ZNF423: variants seen among roughly 807,000 people sequenced by gnomAD.
The protein encoded by ZNF423 is zinc finger protein 423, also known as Ebf-associated zinc finger protein.
In ZNF423, 12 loss-of-function variants were observed where a neutral mutation model predicts 95.8. The ratio of observed to expected loss-of-function variants is 0.13; its 90% CI spans 0.08 to 0.20. ZNF423 has a LOEUF of 0.20. Among genes scored for constraint, ZNF423 ranks in the 10% least tolerant of loss-of-function variants. The pLI, the probability that ZNF423 is intolerant of heterozygous loss-of-function variation, is 1.00. For missense variants in ZNF423, 1,316 were observed against 1,737.1 expected (o/e 0.76, Z 4.31); for synonymous variants, 749 against 711.9 (o/e 1.05, Z -0.83).
chr16:49,492,539 G>T lies in ZNF423; in HGVS notation c.3850-1235C>A, dbSNP rs1242711493. ...CCTGCTCCCTGGAGCAGGGCCCCGC[G>T]CAGTCCCTTCCCGTGACGGGCACTG... On this transcript the variant is annotated intron_variant, in intron 7 of 7. Transcript: ENST00000563137. The surrounding 1 kb of genome is among the most constrained non-coding windows in gnomAD (Gnocchi z 4.2). 1.3e-5 allele frequency among the ~76,000 whole-genome samples: 2 copies of T among 152,138 alleles called. No homozygotes were observed. Among genetic ancestry groups the T allele is most frequent in the African/African-American group, 4.8e-5 (2 of 41,444 alleles).
intron 2 of ZNF423, among the ~76,000 whole-genome samples, chr16:49,783,068 CCCA>C (rs1654554932): frequency 6.6e-6 from 1 of 152,050 alleles, no homozygotes; most frequent in South Asian, 2.1e-4. Context: ...TCCCTGAAAC[CCCA>C]CATCATAGAC....
chr16:49,781,678 G>C (rs1055692383), intron 2 of ZNF423, among the ~76,000 whole-genome samples: 1 of 152,164 alleles, frequency 6.6e-6, no homozygotes, highest in South Asian at 2.1e-4. Context: ...TGAAAGGCCC[G>C]GGCTTCTGGA....
chr16:49,530,473 A>G (rs1968799072), intron 5 of ZNF423, among the ~76,000 whole-genome samples: 1 of 152,176 alleles, frequency 6.6e-6, no homozygotes, highest in Non-Finnish European at 1.5e-5. Context: ...ACACAGACAG[A>G]GTAACATAAA....
intron 7 of ZNF423, among the ~76,000 whole-genome samples, chr16:49,520,681 C>T (rs1334350976): frequency 6.6e-6 from 1 of 152,194 alleles, no homozygotes; most frequent in Non-Finnish European, 1.5e-5. Flanking sequence ...GGCCTTGCCT[C>T]CCACTGCCCC....
intron 5 of ZNF423, among the ~76,000 whole-genome samples, chr16:49,561,133 G>A (rs1361069817): frequency 6.6e-6 from 1 of 152,130 alleles, no homozygotes; most frequent in Admixed American, 6.5e-5. Flanking sequence ...ACAGGGCTGT[G>A]CTAGAGCCAG....
intron 5 of ZNF423, among the ~76,000 whole-genome samples, chr16:49,582,469 A>G (rs1318409948): frequency 6.6e-6 from 1 of 152,258 alleles, no homozygotes; most frequent in Non-Finnish European, 1.5e-5. Flanking sequence ...ATAAAACACT[A>G]TGCATACTCT....
intron 5 of ZNF423, among the ~76,000 whole-genome samples, chr16:49,554,906 T>C (rs1567464116): frequency 6.6e-6 from 1 of 152,090 alleles, no homozygotes; most frequent in Non-Finnish European, 1.5e-5. Context: ...GCTCGACACA[T>C]GTAGCTTGAA....
chr16:49,574,690 G>A (rs543109289), intron 5 of ZNF423, among the ~76,000 whole-genome samples: 1 of 151,382 alleles, frequency 6.6e-6, no homozygotes, highest in African/African-American at 2.4e-5. Flanking sequence ...GGCACTCTCC[G>A]CCTACAGCCA....
chr16:49,601,736 GT>G (rs796655316), intron 5 of ZNF423, among the ~76,000 whole-genome samples: 6 of 152,358 alleles, frequency 3.9e-5, no homozygotes, highest in African/African-American at 1.4e-4. Context: ...CAGTCAGCCT[GT>G]GGTCCCCCCT....
At chr16:49,845,035 C>CAAAAAAAAAAAAAA (rs71138011) in intron 1 of ZNF423, among the ~76,000 whole-genome samples, 2 of 63,510 alleles carry the variant, frequency 3.1e-5, no homozygotes, top group South Asian at 5.9e-4. Context: ...AACTCCATCT[C>CAAAAAAAAAAAAAA]AAAAAAAAAA....
intron 1 of ZNF423, among the ~76,000 whole-genome samples, chr16:49,793,348 A>C (rs1337757724): frequency 1.3e-5 from 2 of 152,186 alleles, no homozygotes. Flanking sequence ...CCTAAGAGGG[A>C]GTTCTGCTGC....
chr16:49,562,791 T>C (rs897355396), intron 5 of ZNF423, among the ~76,000 whole-genome samples: 1 of 152,204 alleles, frequency 6.6e-6, no homozygotes. Context: ...TAAGCATTTT[T>C]TTTTTTGAGA....
intron 1 of ZNF423, among the ~76,000 whole-genome samples, chr16:49,821,941 C>T (rs2034947683): frequency 6.6e-6 from 1 of 152,174 alleles, no homozygotes; most frequent in Non-Finnish European, 1.5e-5. Flanking sequence ...GCATTCAATG[C>T]CTCCAGTTGG....
intron 7 of ZNF423, among the ~76,000 whole-genome samples, chr16:49,500,634 G>A (rs948676407): frequency 3.3e-5 from 5 of 152,126 alleles, no homozygotes; most frequent in African/African-American, 1.2e-4. Flanking sequence ...AATGGCACTG[G>A]AGCTGGGTGA....
In ZNF423 at chr16:49,626,171, A is replaced by C. The variant is rs1264821781; in HGVS notation, c.3600T>G (p.Ile1200Met). The change falls in exon 5 of 8, where the codon ATT (isoleucine) becomes ATG (methionine). Residue 1200 changes from isoleucine (I) to methionine (M), a missense_variant and splice_region_variant. Ile to Met is a conservative substitution (Grantham distance 10). This residue lies in a region of ZNF423 where 75 missense variants were observed against 163.5 expected (regional missense o/e 0.46). Coordinates refer to ENST00000563137, the MANE Select transcript of ZNF423 (RefSeq NM_001379286.1). The stretch of plus-strand genomic sequence containing the variant: ...GGCTGGGAGGAAATGCTCTCTTACC[A>C]ATCATGTGGTTGGCAACGTGGATTT... ...EIQIHVANHM[I>M]EEGINHECKL... The C allele has an allele frequency of 6.2e-7, 1 of 1,613,936 alleles. No homozygotes were observed. The highest frequency in any genetic ancestry group is 1.1e-5 in the South Asian group (1 of 91,072).
At chr16:49,555,032 A>T (rs1969774530) in intron 5 of ZNF423, among the ~76,000 whole-genome samples, 1 of 152,186 alleles carries the variant, frequency 6.6e-6, no homozygotes. Context: ...CAACTCACCA[A>T]GGAGTATCAT....
intron 2 of ZNF423, among the ~76,000 whole-genome samples, chr16:49,734,435 C>T (rs1188003451): frequency 2.0e-5 from 3 of 152,260 alleles, no homozygotes; most frequent in African/African-American, 7.2e-5. Context: ...ACTGGTTCCT[C>T]CAATCACCCC....
At chr16:49,809,227 A>G (rs1374225829) in intron 1 of ZNF423, among the ~76,000 whole-genome samples, 1 of 152,256 alleles carries the variant, frequency 6.6e-6, no homozygotes, top group Non-Finnish European at 1.5e-5. Context: ...ATAGCGGCCC[A>G]CACATAATGC....
At chr16:49,828,174 A>G (rs1297693138) in intron 1 of ZNF423, among the ~76,000 whole-genome samples, 1 of 152,134 alleles carries the variant, frequency 6.6e-6, no homozygotes, top group Non-Finnish European at 1.5e-5. Context: ...TTATCACTCA[A>G]TCAAGCCACC....
Sources: gnomAD v4.1 joint callset for allele counts (sites outside exome capture counted in the v4.1 genomes callset) on GRCh38, gnomAD v4.1.1 for gene constraint, gnomAD v4.1.1 regional missense constraint, Gnocchi (gnomAD v3.1) non-coding constraint, MANE v1.5 for transcripts, NCBI Gene and HGNC (gene_info 2026-07-23, HGNC 2026-07-21) for gene names.